The following KHDRBS2 variants were observed in gnomAD, a reference collection of about 807,000 sequenced individuals.
The protein encoded by KHDRBS2 is KH domain-containing, RNA-binding, signal transduction-associated protein 2.
Under a neutral mutation model 44.3 loss-of-function variants are expected in KHDRBS2, and 26 were observed. The ratio of observed to expected loss-of-function variants is 0.59; its 90% CI spans 0.43 to 0.81. The LOEUF is 0.81. Ranked by LOEUF, KHDRBS2 falls within the 40% of genes least tolerant of loss-of-function variation. The probability of loss-of-function intolerance (pLI) is 0.00; values close to 1 mark genes in which losing one functional copy is unlikely to be tolerated. For synonymous variants in KHDRBS2, 194 were observed against 151.1 expected (o/e 1.28, Z -2.08); for missense variants, 476 against 433.1 (o/e 1.10, Z -0.88).
intron 3 of KHDRBS2, among the ~76,000 whole-genome samples, chr6:62,022,376 G>A (rs1323845456): frequency 6.6e-6 from 1 of 151,614 alleles, no homozygotes; most frequent in Non-Finnish European, 1.5e-5. Flanking sequence ...CTGTAGACCT[G>A]TATGAGTTAA....
chr6:62,180,565 C>T (rs1364509274), intron 1 of KHDRBS2, among the ~76,000 whole-genome samples: 2 of 151,766 alleles, frequency 1.3e-5, no homozygotes, highest in Non-Finnish European at 2.9e-5. Context: ...AATGAAAAGA[C>T]ACTTTATGTT....
At chr6:62,039,806 G>A (rs1435927180) in intron 3 of KHDRBS2, among the ~76,000 whole-genome samples, 1 of 152,060 alleles carries the variant, frequency 6.6e-6, no homozygotes, top group Non-Finnish European at 1.5e-5. Context: ...TTTCTGTGTA[G>A]TGCCATTTAC....
chr6:61,923,769 T>A (rs1239101091), intron 4 of KHDRBS2, among the ~76,000 whole-genome samples: 1 of 152,104 alleles, frequency 6.6e-6, no homozygotes, highest in Non-Finnish European at 1.5e-5. Context: ...AAGGCAAGTC[T>A]GCTCTCACCA....
At chr6:61,682,102 C>A (rs1461734719) in intron 8 of KHDRBS2, among the ~76,000 whole-genome samples, 1 of 151,860 alleles carries the variant, frequency 6.6e-6, no homozygotes, top group Non-Finnish European at 1.5e-5. Context: ...AGATTGAGGG[C>A]AACTAATGTA....
At chr6:62,174,925 T>G (rs977367383) in intron 2 of KHDRBS2, among the ~76,000 whole-genome samples, 1 of 151,752 alleles carries the variant, frequency 6.6e-6, no homozygotes, top group Non-Finnish European at 1.5e-5. Context: ...AGATCATAAA[T>G]GTACATCAAA....
At chr6:62,008,665 C>T (rs1468056795) in intron 3 of KHDRBS2, among the ~76,000 whole-genome samples, 4 of 152,078 alleles carry the variant, frequency 2.6e-5, no homozygotes, top group African/African-American at 9.7e-5. Context: ...TGGGAGGAAC[C>T]CCATGGGAGA....
At chr6:61,782,649 CAATA>C (rs1362406155) in intron 6 of KHDRBS2, among the ~76,000 whole-genome samples, 9 of 133,440 alleles carry the variant, frequency 6.7e-5, no homozygotes, top group African/African-American at 2.4e-4. Context: ...TAGCATATAA[CAATA>C]AGTATGCATT....
At chr6:61,587,945 G>C in the KHDRBS2 span, among the ~76,000 whole-genome samples, 1 of 152,246 alleles carries the variant, frequency 6.6e-6, no homozygotes, top group African/African-American at 2.4e-5. Flanking sequence ...CTGTGCTTAA[G>C]AAACAGCATT....
chr6:61,692,943 T>G (rs1031811535), intron 8 of KHDRBS2, among the ~76,000 whole-genome samples: 1 of 152,068 alleles, frequency 6.6e-6, no homozygotes, highest in Non-Finnish European at 1.5e-5. Flanking sequence ...GCTATTAGTT[T>G]TGTAAAAATA....
At chr6:61,722,686 C>G (rs144182275) in intron 7 of KHDRBS2, among the ~76,000 whole-genome samples, 1 of 151,284 alleles carries the variant, frequency 6.6e-6, no homozygotes, top group Admixed American at 6.6e-5. Flanking sequence ...TTTGTAAATG[C>G]TGGAGGATGA....
At chr6:62,092,655 T>A (rs1419680560) in intron 2 of KHDRBS2, among the ~76,000 whole-genome samples, 1 of 152,194 alleles carries the variant, frequency 6.6e-6, no homozygotes, top group Non-Finnish European at 1.5e-5. Flanking sequence ...TATTTCTCCC[T>A]GGAATAGCTA....
intron 6 of KHDRBS2, among the ~76,000 whole-genome samples, chr6:61,807,007 A>T (rs1405113920): frequency 6.6e-6 from 1 of 152,112 alleles, no homozygotes. Flanking sequence ...TTGTGATGAA[A>T]CATATTTTAC....
At chr6:61,904,372 G>A (rs1804591067) in intron 4 of KHDRBS2, among the ~76,000 whole-genome samples, 1 of 152,130 alleles carries the variant, frequency 6.6e-6, no homozygotes, top group South Asian at 2.1e-4. Context: ...ATTTGACACT[G>A]CAGGTTAATT....
intron 7 of KHDRBS2, among the ~76,000 whole-genome samples, chr6:61,721,103 A>G (rs1582388095): frequency 6.6e-6 from 1 of 151,664 alleles, no homozygotes; most frequent in Non-Finnish European, 1.5e-5. Context: ...ATGCGGCATT[A>G]TTTCTGAGGG....
At chr6:61,864,823 G>C (rs1295899136) in intron 6 of KHDRBS2, among the ~76,000 whole-genome samples, 4 of 152,092 alleles carry the variant, frequency 2.6e-5, no homozygotes, top group Non-Finnish European at 5.9e-5. Flanking sequence ...AGCCAGTTTG[G>C]GAAAGTTCTT....
chr6:61,555,774 T>A, the KHDRBS2 span, among the ~76,000 whole-genome samples: 3 of 152,012 alleles, frequency 2.0e-5, no homozygotes, highest in Admixed American at 2.0e-4. Flanking sequence ...TCTGGTAGAT[T>A]GTTTTTTGGA....
chr6:62,104,459 C>T (rs1036109642), intron 2 of KHDRBS2, among the ~76,000 whole-genome samples: 12 of 152,008 alleles, frequency 7.9e-5, no homozygotes, highest in Non-Finnish European at 1.2e-4. Context: ...GTTCTATTAC[C>T]ATAATGGAAT....
chr6:61,607,539 A>AAAAAAAG, the KHDRBS2 span, among the ~76,000 whole-genome samples: 1 of 147,748 alleles, frequency 6.8e-6, no homozygotes, highest in Non-Finnish European at 1.5e-5. Context: ...AAAAAAAAAA[A>AAAAAAAG]AAAAAAGATG....
the KHDRBS2 span, among the ~76,000 whole-genome samples, chr6:61,620,340 T>G: frequency 6.6e-6 from 1 of 152,136 alleles, no homozygotes; most frequent in Non-Finnish European, 1.5e-5. Context: ...TTAATTGAGA[T>G]TTTACATATT....
Sources: allele counts gnomAD v4.1 joint callset (sites outside exome capture counted in the v4.1 genomes callset), GRCh38; gene constraint gnomAD v4.1.1; transcripts MANE v1.5; gene names NCBI Gene and HGNC (gene_info 2026-07-23, HGNC 2026-07-21).